DNAH2: variants seen among roughly 807,000 people sequenced by gnomAD.
DNAH2 encodes the protein axonemal beta dynein heavy chain 2.
DNAH2 carries 323 observed loss-of-function variants against 523.5 expected under a neutral mutation model. The ratio of observed to expected loss-of-function variants is 0.62; its 90% CI spans 0.56 to 0.68. The LOEUF (loss-of-function observed/expected upper bound fraction) is 0.68, where lower values mean the gene tolerates loss of function less well. DNAH2 is among the 30% of genes least tolerant of loss of function. The pLI is 0.00. For missense variants in DNAH2, 4,907 were observed against 5,701.5 expected (o/e 0.86, Z 4.49); for synonymous variants, 2,093 against 2,177.4 (o/e 0.96, Z 1.08).
At chr17:7,752,435 G>A (rs1236606069) in intron 12 of DNAH2, among the ~76,000 whole-genome samples, 17 of 152,084 alleles carry the variant, frequency 1.1e-4, no homozygotes, top group Non-Finnish European at 7.3e-5. Flanking sequence ...TTCAGGCCGC[G>A]CGCGGTGGCT....
In DNAH2 at chr17:7,754,421, A is replaced by G; in HGVS notation, c.1905-2670A>G. 3.1e-6 allele frequency: 2 copies of G among 648,352 alleles called. No individual in the cohort carries two copies. Among genetic ancestry groups the G allele is most frequent in the Non-Finnish European group, 5.5e-6 (2 of 364,236 alleles). 40.2% of individuals were successfully genotyped at this position (648,352 alleles called of 1,614,324 possible). On this transcript the variant is annotated intron_variant, in intron 12 of 85. Coordinates refer to ENST00000572933, the MANE Select transcript of DNAH2 (RefSeq NM_020877.5). The surrounding 1 kb of genome is among the most constrained non-coding windows in gnomAD (Gnocchi z 4.6). Reference sequence around the variant, plus strand: ...GGCCAAGTCCACACCATACACCACCAGTCCCGAAAATGGCACAGAAATGGT... The same window carrying G: ...GGCCAAGTCCACACCATACACCACCGGTCCCGAAAATGGCACAGAAATGGT...
Position 7,733,411 on chromosome 17 carries a change from AG to A in DNAH2, c.628+98del, listed in dbSNP as rs2151136764. 9.0e-6 allele frequency: 10 copies of A among 1,112,194 alleles called. No homozygotes were observed. The South Asian group carries it at 1.4e-4, about 15-fold the overall frequency. The allele number at this position is 1,112,194 out of a possible 1,614,324, so 68.9% of individuals were successfully genotyped here. A position where few individuals can be genotyped will look rare whatever the true frequency, so the allele number is the denominator to read the frequency against. On this transcript the variant is annotated intron_variant, in intron 5 of 85. Coordinates refer to ENST00000572933, the MANE Select transcript of DNAH2 (RefSeq NM_020877.5). The stretch of plus-strand genomic sequence containing the variant: ...GTCCTTCGTCTGAGCACCTGTGTGG[AG>A]GAGGAAGTATTCAGCATGCTTATCG...
intron 11 of DNAH2, 100 bp downstream of exon 11, chr17:7,741,092 C>A: frequency 7.0e-7 from 1 of 1,432,622 alleles, no homozygotes; most frequent in Non-Finnish European, 9.3e-7. Context: ...TCAGGACCAG[C>A]ACCTATGTCG....
chr17:7,831,168 A>C lies in DNAH2; in HGVS notation c.12313A>C (p.Met4105Leu), dbSNP rs779374774. Residue 4105 changes from methionine (M) to leucine (L), a missense_variant, in exon 80 of 86, where the codon ATG (methionine) becomes CTG (leucine). Around this residue, in one of 3 missense-constraint regions of DNAH2, gnomAD observed 1,851 missense variants for 2,139.4 expected, o/e 0.87. Coordinates refer to ENST00000572933, the MANE Select transcript of DNAH2 (RefSeq NM_020877.5). The surrounding 1 kb of genome is among the most constrained non-coding windows in gnomAD (Gnocchi z 4.2). ...YKEYISLLPG[M>L]DPPEAFGQHP... ...GGAATACATCAGCTTATTGCCTGGC[A>C]TGGACCCCCCTGAGGCCTTTGGCCA... 6.2e-7 allele frequency: 1 copy of C among 1,614,146 alleles called. No homozygotes were observed.
intron 12 of DNAH2, among the ~76,000 whole-genome samples, chr17:7,744,263 CA>C (rs2075448288): frequency 7.0e-6 from 1 of 143,350 alleles, no homozygotes; most frequent in South Asian, 2.2e-4. Context: ...CATTGCACTC[CA>C]GCCTGGGCGA....
chr17:7,781,092 T>C lies in DNAH2; in HGVS notation c.6054T>C (p.Val2018=). The change falls in exon 39 of 86, where the codon GTT becomes GTC. Residue 2018 remains valine (V), a synonymous_variant. Coordinates refer to ENST00000572933, the MANE Select transcript of DNAH2 (RefSeq NM_020877.5). ...TGAACATCGCCAAGCTCACTTCAGTTGATGCACCCCTGTTCAATGCCATCG... is the reference window on the plus strand; with the variant it reads ...TGAACATCGCCAAGCTCACTTCAGTCGATGCACCCCTGTTCAATGCCATCG... ...RDMNIAKLTS[V]DAPLFNAIVQ... 6.2e-7 allele frequency: 1 copy of C among 1,614,246 alleles called. No homozygotes were observed. The highest frequency in any genetic ancestry group is 8.5e-7 in the Non-Finnish European group (1 of 1,180,052).
chr17:7,743,312 C>T, intron 12 of DNAH2, 170 bp downstream of exon 12: 1 of 747,470 alleles, frequency 1.3e-6, no homozygotes, highest in Non-Finnish European at 2.3e-6. Context: ...TGTCTCTCCC[C>T]ACCTCCCACC....
At chr17:7,739,267 C>A (rs1230467730) in intron 8 of DNAH2, among the ~76,000 whole-genome samples, 1 of 152,090 alleles carries the variant, frequency 6.6e-6, no homozygotes, top group Non-Finnish European at 1.5e-5. Flanking sequence ...TTAGCCGGGC[C>A]TGGTGGTGCA....
At chr17:7,812,478 C>T (rs1441805430) in intron 63 of DNAH2, among the ~76,000 whole-genome samples, 1 of 151,790 alleles carries the variant, frequency 6.6e-6, no homozygotes, top group African/African-American at 2.4e-5. Flanking sequence ...ATCAGCCAGA[C>T]ACAGTGGCGC....
intron 56 of DNAH2, among the ~76,000 whole-genome samples, chr17:7,800,453 G>A (rs2077191179): frequency 6.6e-6 from 1 of 152,090 alleles, no homozygotes; most frequent in Admixed American, 6.6e-5. Context: ...TTTTAAGGCT[G>A]AATAATATTA....
intron 79 of DNAH2, 92 bp downstream of exon 79, chr17:7,830,934 C>T (rs768294192): frequency 3.2e-6 from 5 of 1,553,566 alleles, no homozygotes; most frequent in Admixed American, 1.7e-5. Flanking sequence ...GAGGAGAGGA[C>T]GTGAGATTGG....
chr17:7,775,620 G>C (rs1190348596), intron 30 of DNAH2, among the ~76,000 whole-genome samples: 1 of 151,436 alleles, frequency 6.6e-6, no homozygotes, highest in Non-Finnish European at 1.5e-5. Flanking sequence ...GGGAGGCGGA[G>C]GTTGTGGTGA....
chr17:7,830,584 CT>C, intron 78 of DNAH2, 73 bp from the exon 79 acceptor site: 1 of 1,607,210 alleles, frequency 6.2e-7, no homozygotes, highest in African/African-American at 1.3e-5. Context: ...GACACAAAGC[CT>C]GTGTTGAAGC....
Position 7,770,849 on chromosome 17 carries a change from G to C in DNAH2, c.4278G>C (p.Val1426=), listed in dbSNP as rs1189734975. The change falls in exon 27 of 86, where the codon GTG becomes GTC. Residue 1426 remains valine, a synonymous_variant. Coordinates refer to ENST00000572933, the MANE Select transcript of DNAH2 (RefSeq NM_020877.5). Reference sequence around the variant, plus strand: ...TTGTCAAGGCCTTTGAGAAGGATGTGGACCACTGGGAACGCTGCCTCTCCC... The same window carrying C: ...TTGTCAAGGCCTTTGAGAAGGATGTCGACCACTGGGAACGCTGCCTCTCCC... ...SRFVKAFEKD[V]DHWERCLSLI... The C allele has an allele frequency of 1.7e-5, 28 of 1,614,158 alleles. No homozygotes were observed. The highest frequency in any genetic ancestry group is 2.4e-5 in the Non-Finnish European group (28 of 1,180,032).
At chr17:7,783,221 G>A (rs2076648605) in intron 39 of DNAH2, among the ~76,000 whole-genome samples, 1 of 152,104 alleles carries the variant, frequency 6.6e-6, no homozygotes, top group South Asian at 2.1e-4. Flanking sequence ...AGGATTACAG[G>A]CATGCACCAC....
At chr17:7,777,367 T>C in intron 32 of DNAH2, 79 bp from the exon 33 acceptor site, 1 of 1,531,838 alleles carries the variant, frequency 6.5e-7, no homozygotes, top group Non-Finnish European at 9.0e-7. Context: ...TTGGAAGCGG[T>C]GCTGGGTAGG....
rs768031252 is a variant in DNAH2, at chr17:7,767,874, A to C, written c.3676-26A>C. Reference sequence around the variant, plus strand: ...GGAGGAAGAGGGCAGGTGCCACTTCATGCAACGCGCCTTTCTGCCCTGTAG... The same window carrying C: ...GGAGGAAGAGGGCAGGTGCCACTTCCTGCAACGCGCCTTTCTGCCCTGTAG... On this transcript the variant is annotated intron_variant, in intron 22 of 85. Transcript: ENST00000572933. 6 of 1,613,300 alleles carry C rather than the reference A, an allele frequency of 3.7e-6. No individual in the cohort carries two copies. In the East Asian group the frequency reaches 1.3e-4, roughly 36 times the overall value.
rs1183663836 is a variant in DNAH2 at position 7,766,299 on chromosome 17, C to T, written c.3512-19C>T. 3.3e-5 allele frequency: 53 copies of T among 1,606,858 alleles called. No homozygotes were observed. Among genetic ancestry groups the T allele is most frequent in the Non-Finnish European group, 4.4e-5 (52 of 1,174,298 alleles). On this transcript the variant is annotated intron_variant, in intron 21 of 85. Coordinates refer to ENST00000572933, the MANE Select transcript of DNAH2 (RefSeq NM_020877.5). Reference sequence around the variant, plus strand: ...CAGACGTGAGCGGGAAGCTGAGCTTCATCCTGAATCCTCCACAGGCCATTT... The same window carrying T: ...CAGACGTGAGCGGGAAGCTGAGCTTTATCCTGAATCCTCCACAGGCCATTT...
Position 7,760,728 on chromosome 17 carries a change from G to T in DNAH2, c.2786-12G>T, listed in dbSNP as rs1322913378. 1 of 1,609,192 alleles carries T rather than the reference G, an allele frequency of 6.2e-7. No homozygotes were observed. Among genetic ancestry groups the T allele is most frequent in the African/African-American group, 1.3e-5 (1 of 74,814 alleles). On this transcript the variant is annotated splice_polypyrimidine_tract_variant and intron_variant, in intron 17 of 85. Transcript: ENST00000572933. This position sits in a 1 kb window ranked among gnomAD's most constrained non-coding sequence, Gnocchi z 4.0. Reference sequence around the variant, plus strand: ...GAAGTCAGTGAGAAGCATCTTTCTTGGTCCTTTGAAGAGCAAGATGAGGAC... The same window carrying T: ...GAAGTCAGTGAGAAGCATCTTTCTTTGTCCTTTGAAGAGCAAGATGAGGAC...
Sources: allele counts gnomAD v4.1 joint callset (sites outside exome capture counted in the v4.1 genomes callset), GRCh38; gene constraint gnomAD v4.1.1; regional missense constraint gnomAD v4.1.1; non-coding constraint Gnocchi (gnomAD v3.1); transcripts MANE v1.5; gene names NCBI Gene and HGNC (gene_info 2026-07-23, HGNC 2026-07-21).